The following ABCE1 variants were observed in gnomAD, a reference collection of about 807,000 sequenced individuals.
The protein encoded by ABCE1 is ATP binding cassette subfamily E member 1.
ABCE1 carries 22 observed loss-of-function variants against 83.4 expected under a neutral mutation model. That is an observed-to-expected ratio of 0.26 (90% CI 0.19 to 0.38). The LOEUF (loss-of-function observed/expected upper bound fraction) is 0.38, where lower values mean the gene tolerates loss of function less well. ABCE1 is among the 10% of genes least tolerant of loss of function. ABCE1 has a pLI of 1.00. For synonymous variants in ABCE1, 204 were observed against 233.7 expected, an observed-to-expected ratio of 0.87 and a Z score of 1.16; for missense variants, 330 against 721.9, an observed-to-expected ratio of 0.46 and a Z score of 6.22.
chr4:145,099,075 C>T (rs1749016300), intron 1 of ABCE1, among the ~76,000 whole-genome samples: 1 of 152,166 alleles, frequency 6.6e-6, no homozygotes, highest in Non-Finnish European at 1.5e-5. Flanking sequence ...GGCACTTTCT[C>T]CCCTTACCCG....
intron 10 of ABCE1, among the ~76,000 whole-genome samples, chr4:145,118,310 A>G (rs540763229): frequency 6.6e-6 from 1 of 150,982 alleles, no homozygotes; most frequent in African/African-American, 2.4e-5. Flanking sequence ...CTCTTTTGGA[A>G]AAATAAATTT....
At chr4:145,116,064 A>G (rs1425978880) in intron 9 of ABCE1, among the ~76,000 whole-genome samples, 1 of 151,898 alleles carries the variant, frequency 6.6e-6, no homozygotes, top group Non-Finnish European at 1.5e-5. Flanking sequence ...GATGGACCTT[A>G]AAGGGTTAGG....
chr4:145,119,898 G>T, intron 10 of ABCE1, 34 bp from the exon 11 acceptor site: 1 of 1,540,954 alleles, frequency 6.5e-7, no homozygotes, highest in South Asian at 1.1e-5. Flanking sequence ...TGGCTCTAAT[G>T]ATTTCTCCCG....
chr4:145,110,670 T>C (rs765835479), intron 7 of ABCE1, among the ~76,000 whole-genome samples: 17 of 152,012 alleles, frequency 1.1e-4, no homozygotes, highest in Non-Finnish European at 2.4e-4. Context: ...AGAGACCGGG[T>C]TTCTCCATGT....
intron 1 of ABCE1, among the ~76,000 whole-genome samples, chr4:145,102,636 A>G (rs926704427): frequency 3.3e-5 from 5 of 152,104 alleles, no homozygotes; most frequent in Non-Finnish European, 7.4e-5. Flanking sequence ...GAATTTAACC[A>G]AGATTGTGAT....
rs1749635985 is a variant in ABCE1 at position 145,117,460 on chromosome 4, C to G, written c.922+46C>G. ...CACATATGCTGTATTCTCTTCTACT[C>G]TAATGCTTATAAACTACATTATTGA... On this transcript the variant is annotated intron_variant, in intron 10 of 17. Coordinates refer to ENST00000296577, the MANE Select transcript of ABCE1 (RefSeq NM_002940.3). 4.4e-6 allele frequency: 7 copies of G among 1,577,888 alleles called. No homozygotes were observed. The Admixed American group carries it at 1.1e-4, about 24-fold the overall frequency.
In ABCE1 at chr4:145,110,038, C is replaced by T. The variant is rs1160991620; in HGVS notation, c.406-65C>T. 6 of 1,361,522 alleles carry T rather than the reference C, an allele frequency of 4.4e-6. No individual in the cohort carries two copies. In the African/African-American group the frequency reaches 5.9e-5, roughly 13 times the overall value. 84.3% of individuals were successfully genotyped at this position (1,361,522 alleles called of 1,614,324 possible). On this transcript the variant is annotated intron_variant, in intron 5 of 17. Transcript: ENST00000296577. ...TGCATATATAATCTATTTCCTGTAG[C>T]ATTCATCCTCTTTGTCATTGTATTA... is the stretch of plus-strand genomic sequence containing the variant.
chr4:145,098,937 A>G (rs1259864926), intron 1 of ABCE1, among the ~76,000 whole-genome samples: 1 of 152,236 alleles, frequency 6.6e-6, no homozygotes, highest in Non-Finnish European at 1.5e-5. Flanking sequence ...CCCAGGCTTT[A>G]TAGAAATGAT....
intron 9 of ABCE1, among the ~76,000 whole-genome samples, chr4:145,115,238 G>C (rs1451256316): frequency 6.6e-6 from 1 of 151,892 alleles, no homozygotes; most frequent in Non-Finnish European, 1.5e-5. Context: ...TGAAGGTTGG[G>C]GTTGGGGGCA....
chr4:145,119,854 G>A (rs1158229217), intron 10 of ABCE1, 78 bp from the exon 11 acceptor site: 5 of 1,000,138 alleles, frequency 5.0e-6, no homozygotes, highest in Non-Finnish European at 6.1e-6. Flanking sequence ...AAAGTATATA[G>A]TCTATAGATT....
intron 11 of ABCE1, 122 bp downstream of exon 11, chr4:145,120,275 C>T (rs563733181): frequency 1.5e-4 from 122 of 812,584 alleles, no homozygotes; most frequent in Non-Finnish European, 5.9e-5. Context: ...TTTATTTAAA[C>T]CCACAAATTT....
chr4:145,115,457 C>T (rs1337081804), intron 9 of ABCE1, among the ~76,000 whole-genome samples: 1 of 151,868 alleles, frequency 6.6e-6, no homozygotes, highest in Non-Finnish European at 1.5e-5. Context: ...TTGATAATTA[C>T]CACCATTGTG....
intron 13 of ABCE1, 183 bp from the exon 14 acceptor site, chr4:145,122,838 T>TG: frequency 3.9e-6 from 2 of 507,482 alleles, no homozygotes; most frequent in Non-Finnish European, 7.0e-6. Flanking sequence ...TTTTACTTGT[T>TG]GGACATGATG....
chr4:145,102,716 A>G (rs914034798), intron 1 of ABCE1, among the ~76,000 whole-genome samples: 2 of 152,186 alleles, frequency 1.3e-5, no homozygotes, highest in Non-Finnish European at 2.9e-5. Context: ...GAAATATGAT[A>G]GAATCAAGAG....
At chr4:145,098,707 C>G (rs1054602098) in intron 1 of ABCE1, among the ~76,000 whole-genome samples, 6 of 152,242 alleles carry the variant, frequency 3.9e-5, no homozygotes, top group African/African-American at 1.2e-4. Context: ...TCTCCACTCC[C>G]CCTTTACCCC....
intron 1 of ABCE1, among the ~76,000 whole-genome samples, chr4:145,103,427 C>T (rs1749209182): frequency 6.6e-6 from 1 of 152,126 alleles, no homozygotes; most frequent in South Asian, 2.1e-4. Flanking sequence ...AATTTCTGAA[C>T]CACTAAGCCC....
intron 17 of ABCE1, among the ~76,000 whole-genome samples, chr4:145,125,356 T>C (rs1749851699): frequency 6.6e-6 from 1 of 152,078 alleles, no homozygotes. Context: ...TAATCCCAGC[T>C]ACTTAGGAGT....
intron 9 of ABCE1, among the ~76,000 whole-genome samples, chr4:145,112,856 G>A (rs373167518): frequency 5.3e-5 from 8 of 152,122 alleles, no homozygotes; most frequent in Non-Finnish European, 8.8e-5. Flanking sequence ...TCTTTAGATG[G>A]TATTCCTATT....
intron 16 of ABCE1, among the ~76,000 whole-genome samples, chr4:145,124,563 T>C (rs1223144667): frequency 6.6e-6 from 1 of 152,174 alleles, no homozygotes; most frequent in Non-Finnish European, 1.5e-5. Context: ...AAAGGAATTG[T>C]CACTGAAAAC....
Sources: gnomAD v4.1 joint callset for allele counts (sites outside exome capture counted in the v4.1 genomes callset) on GRCh38, gnomAD v4.1.1 for gene constraint, MANE v1.5 for transcripts, NCBI Gene and HGNC (gene_info 2026-07-23, HGNC 2026-07-21) for gene names.